Variants in MAPKAP1 observed in about 807,000 individuals in gnomAD.
The protein encoded by MAPKAP1 is target of rapamycin complex 2 subunit MAPKAP1.
MAPKAP1 carries 20 observed loss-of-function variants against 65.7 expected under a neutral mutation model. The observed-to-expected ratio is 0.30, with a 90% confidence interval of 0.21 to 0.44. MAPKAP1 has a LOEUF of 0.44. Among genes scored for constraint, MAPKAP1 ranks in the 20% least tolerant of loss-of-function variants. The pLI, the probability that MAPKAP1 is intolerant of heterozygous loss-of-function variation, is 1.00. For synonymous variants in MAPKAP1, 222 were observed against 244.3 expected (o/e 0.91, Z 0.85); for missense variants, 423 against 648.0 (o/e 0.65, Z 3.77).
At position 125,437,662 on chromosome 9, in the gene MAPKAP1, C is replaced by T. The variant is rs1220566572; in HGVS notation, c.*1225G>A. 6.6e-6 allele frequency: 1 copy of T among 152,566 alleles called. No individual in the cohort carries two copies. The highest frequency in any genetic ancestry group is 1.5e-5 in the Non-Finnish European group (1 of 68,036). 9.5% of individuals were successfully genotyped at this position (152,566 alleles called of 1,614,324 possible). A position where few individuals can be genotyped will look rare whatever the true frequency, so the allele number is the denominator to read the frequency against. On this transcript the variant is annotated 3_prime_UTR_variant, in exon 12 of 12. Transcript: ENST00000265960. ...GCATGACCCCTTGTGCAAAGAAATA[C>T]ACTCAGCTTTAAGATGCTGTTTTAG...
chr9:125,664,826 T>C (rs1834294388), intron 3 of MAPKAP1, among the ~76,000 whole-genome samples: 1 of 150,560 alleles, frequency 6.6e-6, no homozygotes, highest in Non-Finnish European at 1.5e-5. Context: ...GCCAATGATA[T>C]GGGAGGGAGC....
At chr9:125,705,008 C>A (rs1224282000) in intron 1 of MAPKAP1, among the ~76,000 whole-genome samples, 1 of 152,160 alleles carries the variant, frequency 6.6e-6, no homozygotes, top group African/African-American at 2.4e-5. Flanking sequence ...AGAGTCCATG[C>A]CTATTTTCTA....
Position 125,473,166 on chromosome 9 carries a change from C to T in MAPKAP1, c.1208-5057G>A, listed in dbSNP as rs75582807. ...CCAGGGGTTGCGCTGCTGGGAAGGG[C>T]TCATGAGCTACACTACACCCAACCT... On this transcript the variant is annotated intron_variant, in intron 9 of 11. Transcript: ENST00000265960. Among the ~76,000 whole-genome samples, 709 of 151,532 alleles carry T rather than the reference C, an allele frequency of 4.7e-3. 6 individuals carry two copies. Among genetic ancestry groups the T allele is most frequent in the African/African-American group, 0.016 (661 of 41,262 alleles).
chr9:125,478,724 T>C (rs1479140450), intron 9 of MAPKAP1, among the ~76,000 whole-genome samples: 5 of 152,174 alleles, frequency 3.3e-5, no homozygotes, highest in African/African-American at 1.2e-4. Flanking sequence ...TCAATTCTGC[T>C]GGAAGTCTCC....
At chr9:125,549,226 C>G (rs1360294083) in intron 6 of MAPKAP1, among the ~76,000 whole-genome samples, 2 of 152,210 alleles carry the variant, frequency 1.3e-5, no homozygotes, top group African/African-American at 4.8e-5. Flanking sequence ...AAGCCACAGT[C>G]TCAGTTTGCA....
Position 125,672,393 on chromosome 9 carries a change from G to A in MAPKAP1, c.182C>T (p.Thr61Ile), listed in dbSNP as rs142648463. Residue 61 changes from threonine to isoleucine, a missense_variant, in exon 2 of 12, where the codon ACT becomes ATT. By Grantham distance (89) the Thr-to-Ile change is moderately conservative (BLOSUM62 -1). Coordinates refer to ENST00000265960, the MANE Select transcript of MAPKAP1 (RefSeq NM_001006617.3). Reference sequence around the variant, plus strand: ...TGACTGGGCATATACATAGCCCTGAGTCTCACCATTGCTTCCCTGAATTTC... The same window carrying A: ...TGACTGGGCATATACATAGCCCTGAATCTCACCATTGCTTCCCTGAATTTC... ...GSEIQGSNGE[T>I]QGYVYAQSVD... The A allele has an allele frequency of 5.0e-5, 81 of 1,614,044 alleles. No individual in the cohort carries two copies. The highest frequency in any genetic ancestry group is 6.8e-5 in the Non-Finnish European group (80 of 1,180,022).
chr9:125,619,309 G>A (rs1032593258), intron 4 of MAPKAP1, among the ~76,000 whole-genome samples: 2 of 152,008 alleles, frequency 1.3e-5, no homozygotes, highest in Non-Finnish European at 2.9e-5. Context: ...ATAAACAACA[G>A]CAATAACATC....
chr9:125,506,033 T>C (rs2133083529), intron 8 of MAPKAP1: 1 of 474,390 alleles, frequency 2.1e-6, no homozygotes, highest in African/African-American at 1.9e-5. Context: ...CTCATGCTTC[T>C]AAGCTGTTTC....
chr9:125,511,605 G>A lies in MAPKAP1; in HGVS notation c.959-5188C>T, dbSNP rs546705425. On this transcript the variant is annotated intron_variant, in intron 7 of 11. Transcript: ENST00000265960. Reference sequence around the variant, plus strand: ...CCATCAAATACTTGTTTAATTTTTAGGAGGCTGACATGGGAGGAAAATAAA... The same window carrying A: ...CCATCAAATACTTGTTTAATTTTTAAGAGGCTGACATGGGAGGAAAATAAA... 2.0e-5 allele frequency among the ~76,000 whole-genome samples: 3 copies of A among 152,262 alleles called. No homozygotes were observed. In the South Asian group the frequency reaches 6.2e-4, roughly 32 times the overall value.
At chr9:125,527,030 C>T (rs561015785) in intron 7 of MAPKAP1, among the ~76,000 whole-genome samples, 5 of 151,644 alleles carry the variant, frequency 3.3e-5, no homozygotes, top group South Asian at 2.1e-4. Flanking sequence ...GCCTCAGCCT[C>T]CCAAAATGCT....
chr9:125,478,823 A>T (rs1854201313), intron 9 of MAPKAP1, among the ~76,000 whole-genome samples: 1 of 152,210 alleles, frequency 6.6e-6, no homozygotes, highest in Admixed American at 6.5e-5. Context: ...CGTTCTTCCA[A>T]ACTCCTCCAA....
intron 4 of MAPKAP1, among the ~76,000 whole-genome samples, chr9:125,607,805 G>A (rs2131623151): frequency 6.6e-6 from 1 of 152,148 alleles, no homozygotes; most frequent in East Asian, 1.9e-4. Flanking sequence ...ACAGGCATGT[G>A]CCACCACACC....
chr9:125,596,761 T>C (rs1832138254), intron 4 of MAPKAP1: 2 of 483,572 alleles, frequency 4.1e-6, no homozygotes, highest in South Asian at 3.1e-5. Flanking sequence ...AGAAGACATG[T>C]TTTAGACAAA....
At chr9:125,485,737 T>C (rs1180943371) in intron 8 of MAPKAP1, among the ~76,000 whole-genome samples, 1 of 152,204 alleles carries the variant, frequency 6.6e-6, no homozygotes, top group Non-Finnish European at 1.5e-5. Context: ...ATGGTTCTTC[T>C]GGAAGTGAAT....
Position 125,439,414 on chromosome 9 carries a change from G to A in MAPKAP1, c.1444-402C>T, listed in dbSNP as rs1025114518. Among the ~76,000 whole-genome samples, 10 of 152,212 alleles carry A rather than the reference G, an allele frequency of 6.6e-5. No individual in the cohort carries two copies. The highest frequency in any genetic ancestry group is 1.0e-4 in the Non-Finnish European group (7 of 68,034). On this transcript the variant is annotated intron_variant, in intron 11 of 11. Transcript: ENST00000265960. The surrounding 1 kb of genome is among the most constrained non-coding windows in gnomAD (Gnocchi z 4.0). The stretch of plus-strand genomic sequence containing the variant: ...GCCTGCCTTTCCCTGTGTGAAGGCC[G>A]AGAACACAGGGATGAAAAGCAAACC...
intron 7 of MAPKAP1, among the ~76,000 whole-genome samples, chr9:125,510,464 T>A (rs1228422280): frequency 6.6e-6 from 1 of 152,220 alleles, no homozygotes; most frequent in Non-Finnish European, 1.5e-5. Context: ...GGTAGTACCA[T>A]TCCCTCTTAC....
At chr9:125,564,023 T>G (rs897130919) in intron 5 of MAPKAP1, among the ~76,000 whole-genome samples, 4 of 152,230 alleles carry the variant, frequency 2.6e-5, no homozygotes, top group African/African-American at 9.6e-5. Context: ...CAAAGGGTAT[T>G]ATTAGTGAGG....
At chr9:125,669,377 C>T (rs751833162) in intron 3 of MAPKAP1, among the ~76,000 whole-genome samples, 9 of 148,756 alleles carry the variant, frequency 6.1e-5, no homozygotes, top group Non-Finnish European at 1.0e-4. Context: ...CTACTGAGGA[C>T]GTTGAGGCAG....
At chr9:125,453,980 G>A (rs940013395) in intron 10 of MAPKAP1, among the ~76,000 whole-genome samples, 1 of 152,154 alleles carries the variant, frequency 6.6e-6, no homozygotes, top group South Asian at 2.1e-4. Context: ...TCATTTTCAA[G>A]AAAAGGTCTG....
Sources: gnomAD v4.1 joint callset for allele counts (sites outside exome capture counted in the v4.1 genomes callset) on GRCh38, gnomAD v4.1.1 for gene constraint, Gnocchi (gnomAD v3.1) non-coding constraint, MANE v1.5 for transcripts, NCBI Gene and HGNC (gene_info 2026-07-23, HGNC 2026-07-21) for gene names.